ZHX2: variants seen among roughly 807,000 people sequenced by gnomAD.
The protein encoded by ZHX2 is zinc fingers and homeoboxes protein 2.
In ZHX2, 6 loss-of-function variants were observed where a neutral mutation model predicts 21.9. The observed-to-expected ratio is 0.27, with a 90% confidence interval of 0.15 to 0.54. The LOEUF is 0.54. Ranked by LOEUF, ZHX2 falls within the 20% of genes least tolerant of loss-of-function variation. The pLI, the probability that ZHX2 is intolerant of heterozygous loss-of-function variation, is 0.95. For missense variants in ZHX2, 908 were observed against 1,090.7 expected, an observed-to-expected ratio of 0.83 and a Z score of 2.36; for synonymous variants, 434 against 437.1, an observed-to-expected ratio of 0.99 and a Z score of 0.09.
chr8:122,926,477 CT>C (rs1201532783), intron 2 of ZHX2, among the ~76,000 whole-genome samples: 1 of 152,206 alleles, frequency 6.6e-6, no homozygotes, highest in East Asian at 1.9e-4. Flanking sequence ...TTTCACCGTT[CT>C]GTCAAGCCAG....
intron 1 of ZHX2, among the ~76,000 whole-genome samples, chr8:122,851,085 G>C (rs1232705798): frequency 6.6e-6 from 1 of 152,164 alleles, no homozygotes; most frequent in Non-Finnish European, 1.5e-5. Context: ...GGAACTCCAA[G>C]GGTGCCATTC....
rs1286709423 is a variant in ZHX2 at position 122,951,464 on chromosome 8, C to G, written c.-47C>G. The G allele has an allele frequency of 6.5e-7, 1 of 1,528,346 alleles. No individual in the cohort carries two copies. The highest frequency in any genetic ancestry group is 8.9e-7 in the Non-Finnish European group (1 of 1,123,086). The allele number at this position is 1,528,346 out of a possible 1,614,324, so 94.7% of individuals were successfully genotyped here. A position where few individuals can be genotyped will look rare whatever the true frequency, so the allele number is the denominator to read the frequency against. Reference sequence around the variant, plus strand: ...TTCGTTCCAAGAATCTCACCGCCCCCTCCTTATCCCCCTCCAAAAATAAGC... The same window carrying G: ...TTCGTTCCAAGAATCTCACCGCCCCGTCCTTATCCCCCTCCAAAAATAAGC... On this transcript the variant is annotated 5_prime_UTR_variant, in exon 3 of 4. Transcript: ENST00000314393.
intron 1 of ZHX2, among the ~76,000 whole-genome samples, chr8:122,808,237 A>G (rs1175876654): frequency 6.6e-6 from 1 of 152,236 alleles, no homozygotes; most frequent in Non-Finnish European, 1.5e-5. Flanking sequence ...GTTTTAAACA[A>G]CAGCAATACT....
intron 2 of ZHX2, among the ~76,000 whole-genome samples, chr8:122,868,698 CAAAAAAAAAA>C (rs35306891): frequency 2.0e-5 from 2 of 100,646 alleles, no homozygotes; most frequent in African/African-American, 4.1e-5. Flanking sequence ...AAGACTCCGT[CAAAAAAAAAA>C]AAAAAAAAAA....
chr8:122,844,470 A>T (rs1422545614), intron 1 of ZHX2, among the ~76,000 whole-genome samples: 1 of 152,248 alleles, frequency 6.6e-6, no homozygotes, highest in Non-Finnish European at 1.5e-5. Context: ...TGGATATAAA[A>T]GTATCCCTGC....
chr8:122,845,357 T>A (rs1330705853), intron 1 of ZHX2, among the ~76,000 whole-genome samples: 1 of 152,232 alleles, frequency 6.6e-6, no homozygotes, highest in Non-Finnish European at 1.5e-5. Flanking sequence ...AAAATTAACT[T>A]GTTTATAATT....
intron 1 of ZHX2, among the ~76,000 whole-genome samples, chr8:122,843,199 T>C (rs959261698): frequency 2.0e-5 from 3 of 152,252 alleles, no homozygotes; most frequent in Non-Finnish European, 2.9e-5. Flanking sequence ...TGCCAGACTC[T>C]GTGTTAGATG....
chr8:122,887,688 C>T (rs894669525), intron 2 of ZHX2, among the ~76,000 whole-genome samples: 2 of 151,996 alleles, frequency 1.3e-5, no homozygotes, highest in Non-Finnish European at 2.9e-5. Flanking sequence ...AATGGAAAAC[C>T]GGAGGTAGTA....
intron 2 of ZHX2, among the ~76,000 whole-genome samples, chr8:122,902,947 G>GA (rs1413829054): frequency 1.3e-5 from 2 of 152,064 alleles, no homozygotes; most frequent in Non-Finnish European, 2.9e-5. Context: ...AGGCCTCCTG[G>GA]GTGAGCACAG....
At chr8:122,816,176 C>A (rs142496986) in intron 1 of ZHX2, among the ~76,000 whole-genome samples, 81 of 151,680 alleles carry the variant, frequency 5.3e-4, no homozygotes, top group Middle Eastern at 3.5e-3. Flanking sequence ...TAAGGCAAGA[C>A]CTTCCACCAT....
At position 122,844,721 on chromosome 8, in the gene ZHX2, TTC is replaced by T. The variant is rs146798797; in HGVS notation, c.-282-18742_-282-18741del. Among the ~76,000 whole-genome samples, 9 of 151,064 alleles carry T rather than the reference TTC, an allele frequency of 6.0e-5. No individual in the cohort carries two copies. In the South Asian group the frequency reaches 8.4e-4, roughly 14 times the overall value. On this transcript the variant is annotated intron_variant, in intron 1 of 3. Coordinates refer to ENST00000314393, the MANE Select transcript of ZHX2 (RefSeq NM_014943.5). ...TTTCTCACTGAGTCTCTCTCTCTCT[TTC>T]TCTCTCTCTCTCTGTGTCTGTCTGT...
At chr8:122,941,948 A>C (rs1812856263) in intron 2 of ZHX2, among the ~76,000 whole-genome samples, 1 of 152,240 alleles carries the variant, frequency 6.6e-6, no homozygotes, top group Non-Finnish European at 1.5e-5. Flanking sequence ...TTATAAGCCC[A>C]ACTCCAAAAT....
At chr8:122,840,924 C>T (rs1472629301) in intron 1 of ZHX2, among the ~76,000 whole-genome samples, 2 of 152,216 alleles carry the variant, frequency 1.3e-5, no homozygotes, top group Admixed American at 6.5e-5. Context: ...ATCTCCTGTT[C>T]ACCTGCCAAC....
intron 3 of ZHX2, among the ~76,000 whole-genome samples, chr8:122,963,250 T>C (rs1402834306): frequency 6.6e-6 from 1 of 152,256 alleles, no homozygotes; most frequent in African/African-American, 2.4e-5. Context: ...TTTTTATGAC[T>C]TCACGTCTTA....
chr8:122,865,890 A>G (rs752170787), intron 2 of ZHX2, among the ~76,000 whole-genome samples: 1 of 152,176 alleles, frequency 6.6e-6, no homozygotes, highest in Non-Finnish European at 1.5e-5. Context: ...CAAGGAAGCA[A>G]TCCCCACCGG....
intron 2 of ZHX2, among the ~76,000 whole-genome samples, chr8:122,883,357 T>G (rs1209774603): frequency 6.6e-6 from 1 of 152,152 alleles, no homozygotes; most frequent in Non-Finnish European, 1.5e-5. Context: ...GAAGAATGTG[T>G]AATCCCAGAC....
chr8:122,881,646 G>A (rs1463852384), intron 2 of ZHX2, among the ~76,000 whole-genome samples: 10 of 152,148 alleles, frequency 6.6e-5, no homozygotes, highest in Admixed American at 6.5e-4. Context: ...GGGTGAAACC[G>A]CAAAAGGCAT....
rs375822817 is a variant in ZHX2 at position 122,801,842 on chromosome 8, C to T, written c.-283+19896C>T. Among the ~76,000 whole-genome samples the T allele has an allele frequency of 7.2e-5, 11 of 152,294 alleles. 1 individual carries two copies. In the South Asian group the frequency reaches 1.0e-3, roughly 14 times the overall value. Reference sequence around the variant, plus strand: ...TCTGGAGGAAGATGACTGCCAGTTCCGGACACTCTGGCTTTCTGTTTGGAT... The same window carrying T: ...TCTGGAGGAAGATGACTGCCAGTTCTGGACACTCTGGCTTTCTGTTTGGAT... On this transcript the variant is annotated intron_variant, in intron 1 of 3. Coordinates refer to ENST00000314393, the MANE Select transcript of ZHX2 (RefSeq NM_014943.5).
At chr8:122,865,588 C>T (rs1374422813) in intron 2 of ZHX2, among the ~76,000 whole-genome samples, 2 of 152,114 alleles carry the variant, frequency 1.3e-5, no homozygotes, top group Non-Finnish European at 2.9e-5. Context: ...GAGCATGGTC[C>T]CTGGAGTCAG....
Sources: gnomAD v4.1 joint callset for allele counts (sites outside exome capture counted in the v4.1 genomes callset) on GRCh38, gnomAD v4.1.1 for gene constraint, MANE v1.5 for transcripts, NCBI Gene and HGNC (gene_info 2026-07-23, HGNC 2026-07-21) for gene names.